The following MEP1B variants were observed in gnomAD, a reference collection of about 807,000 sequenced individuals.
MEP1B encodes the protein meprin A subunit beta.
Under a neutral mutation model 84.6 loss-of-function variants are expected in MEP1B, and 80 were observed. The observed-to-expected ratio is 0.95, with a 90% CI of 0.79 to 1.14. The LOEUF is 1.14. Ranked by LOEUF, MEP1B falls within the 50% of genes most tolerant of loss-of-function variation. The probability of loss-of-function intolerance (pLI) is 0.00; values close to 1 mark genes in which losing one functional copy is unlikely to be tolerated. For missense variants in MEP1B, 766 were observed against 855.1 expected (o/e 0.90, Z 1.30); for synonymous variants, 273 against 288.1 (o/e 0.95, Z 0.53).
At chr18:32,192,889 A>G in intron 4 of MEP1B, 72 bp downstream of exon 4, 1 of 1,183,356 alleles carries the variant, frequency 8.5e-7, no homozygotes, top group Non-Finnish European at 1.2e-6. Context: ...ACTGAGAAAG[A>G]TTAGACAGCA....
rs961679138 is a variant in MEP1B at position 32,192,736 on chromosome 18, T to C, written c.128-38T>C. On this transcript the variant is annotated intron_variant, in intron 3 of 14. Coordinates refer to ENST00000269202, the MANE Select transcript of MEP1B (RefSeq NM_005925.3). The stretch of plus-strand genomic sequence containing the variant: ...TAATCTCTTAAGTAGAGAGTTTGAA[T>C]CCAATTTGCTAACATGAATTTTTAT... The C allele has an allele frequency of 2.5e-6, 4 of 1,611,944 alleles. No individual in the cohort carries two copies. The African/African-American group carries it at 4.0e-5, about 16-fold the overall frequency.
rs771083618 is a variant in MEP1B, at chr18:32,217,799, G to C, written c.1925G>C (p.Arg642Thr). The stretch of plus-strand genomic sequence containing the variant: ...GAAGACTGGTGGTACATGGGAGAAA[G>C]GTGTGAAAAGAGAGGCTCCACCCGA... ...SGEDWWYMGE[R>T]CEKRGSTRDT... The change falls in exon 14 of 15, where the codon AGG (arginine) becomes ACG (threonine). Residue 642 changes from arginine to threonine, a missense_variant. Physicochemically the swap from Arg to Thr is moderately conservative, Grantham distance 71. Coordinates refer to ENST00000269202, the MANE Select transcript of MEP1B (RefSeq NM_005925.3). 5.0e-6 allele frequency: 8 copies of C among 1,613,544 alleles called. No individual in the cohort carries two copies. In the Middle Eastern group the frequency reaches 1.2e-3, roughly 232 times the overall value.
rs369029943 is a variant in MEP1B at position 32,202,932 on chromosome 18, G to A, written c.290G>A (p.Arg97His). 5.6e-6 allele frequency: 9 copies of A among 1,612,474 alleles called. No individual in the cohort carries two copies. Among genetic ancestry groups the A allele is most frequent in the Non-Finnish European group, 7.6e-6 (9 of 1,179,102 alleles). ...GGAGTTATCCTCAATGCATTTGAAC[G>A]TTATCGCCTTAAAACATGTATTGAC... Reference protein sequence around the residue: ...AKGVILNAFERYRLKTCIDFK... With the variant: ...AKGVILNAFEHYRLKTCIDFK... Residue 97 changes from arginine (R) to histidine (H), a missense_variant, in exon 6 of 15, where the codon CGT becomes CAT. Arg to His is a conservative substitution (Grantham distance 29). Coordinates refer to ENST00000269202, the MANE Select transcript of MEP1B (RefSeq NM_005925.3).
rs1038891767 is a variant in MEP1B at position 32,217,468 on chromosome 18, C to T, written c.1887-293C>T. Among the ~76,000 whole-genome samples, 5 of 152,072 alleles carry T rather than the reference C, an allele frequency of 3.3e-5. 1 individual carries two copies. The highest frequency in any genetic ancestry group is 4.1e-4 in the South Asian group (2 of 4,826). ...GCCAAGATGTGAATCTGGAGGGTGG[C>T]GGGCATGGGACACTGAGAACTAAAC... On this transcript the variant is annotated intron_variant, in intron 13 of 14. Transcript: ENST00000269202.
In MEP1B at chr18:32,190,048, T is replaced by C. The variant is rs2144367047; in HGVS notation, c.-23T>C. The C allele has an allele frequency of 6.2e-7, 1 of 1,602,722 alleles. No individual in the cohort carries two copies. The highest frequency in any genetic ancestry group is 1.1e-5 in the South Asian group (1 of 90,202). On this transcript the variant is annotated 5_prime_UTR_variant, in exon 1 of 15. Coordinates refer to ENST00000269202, the MANE Select transcript of MEP1B (RefSeq NM_005925.3). ...TTCAACCCTGAATGTCATAGTTAGCTACTTTCAACTGGAAGCTACAACATG... is the reference window on the plus strand; with the variant it reads ...TTCAACCCTGAATGTCATAGTTAGCCACTTTCAACTGGAAGCTACAACATG...
At chr18:32,218,577 G>A (rs9945189) in intron 14 of MEP1B, among the ~76,000 whole-genome samples, 4,491 of 152,254 alleles carry the variant, frequency 0.029, 202 homozygotes, top group African/African-American at 0.099. Context: ...ATATTTGTAC[G>A]CAGGAGGTTT....
At chr18:32,217,235 C>T (rs2041099878) in intron 13 of MEP1B, 118 bp downstream of exon 13, 1 of 1,196,360 alleles carries the variant, frequency 8.4e-7, no homozygotes, top group Non-Finnish European at 1.1e-6. Flanking sequence ...CATCTCACAG[C>T]CATTCATAGA....
intron 5 of MEP1B, among the ~76,000 whole-genome samples, 154 bp from the exon 6 acceptor site, chr18:32,202,739 T>C (rs2040924509): frequency 6.6e-6 from 1 of 152,230 alleles, no homozygotes; most frequent in Non-Finnish European, 1.5e-5. Flanking sequence ...ATTCAATGGG[T>C]ACTGAATTCT....
intron 5 of MEP1B, among the ~76,000 whole-genome samples, chr18:32,201,087 C>G (rs372349959): frequency 4.2e-4 from 64 of 152,186 alleles, no homozygotes; most frequent in African/African-American, 1.3e-3. Flanking sequence ...AAAGCTTTCA[C>G]GTGTTACTTT....
intron 5 of MEP1B, among the ~76,000 whole-genome samples, chr18:32,198,525 T>C (rs1313563364): frequency 5.3e-5 from 8 of 152,322 alleles, no homozygotes; most frequent in Middle Eastern, 3.4e-3. Context: ...AGGCACCATG[T>C]GGGCTAGTGT....
At chr18:32,199,989 A>G (rs1420110452) in intron 5 of MEP1B, among the ~76,000 whole-genome samples, 3 of 152,082 alleles carry the variant, frequency 2.0e-5, no homozygotes, top group African/African-American at 4.8e-5. Context: ...GTTCCATGAA[A>G]GATTAGGGAG....
chr18:32,192,688 A>C lies in MEP1B; in HGVS notation c.125A>C (p.Glu42Ala), dbSNP rs1257888550. 1 of 1,613,228 alleles carries C rather than the reference A, an allele frequency of 6.2e-7. No homozygotes were observed. The highest frequency in any genetic ancestry group is 8.5e-7 in the Non-Finnish European group (1 of 1,179,316). ...GMDQDIFDIN[E>A]GLGLDLFEGD... Reference sequence around the variant, plus strand: ...GACCAGGACATATTTGATATCAATGAAGGTTTGTGGATTTTTTTTACATAA... The same window carrying C: ...GACCAGGACATATTTGATATCAATGCAGGTTTGTGGATTTTTTTTACATAA... The change falls in exon 3 of 15, where the codon GAA becomes GCA. Residue 42 changes from glutamate (E) to alanine (A), a missense_variant and splice_region_variant. Coordinates refer to ENST00000269202, the MANE Select transcript of MEP1B (RefSeq NM_005925.3).
chr18:32,207,585 A>T, intron 8 of MEP1B, 115 bp downstream of exon 8: 2 of 703,816 alleles, frequency 2.8e-6, no homozygotes, highest in Non-Finnish European at 2.4e-6. Context: ...TAGAGATTTG[A>T]TATTCAGGAA....
intron 14 of MEP1B, among the ~76,000 whole-genome samples, chr18:32,218,733 C>T (rs990920548): frequency 5.9e-5 from 9 of 152,118 alleles, no homozygotes; most frequent in Admixed American, 3.3e-4. Flanking sequence ...CTCTTAGGCA[C>T]GTCCTGAATC....
chr18:32,210,468 T>G, intron 9 of MEP1B, 33 bp from the exon 10 acceptor site: 2 of 1,574,994 alleles, frequency 1.3e-6, no homozygotes, highest in Non-Finnish European at 1.7e-6. Flanking sequence ...ACCCAGTATC[T>G]GTTTTTCTCT....
At chr18:32,218,794 T>C (rs2041120822) in intron 14 of MEP1B, among the ~76,000 whole-genome samples, 1 of 151,680 alleles carries the variant, frequency 6.6e-6, no homozygotes, top group Non-Finnish European at 1.5e-5. Flanking sequence ...GGGGCTGCCC[T>C]CAAAGAGGGG....
chr18:32,208,592 G>T (rs1204254112), intron 9 of MEP1B, among the ~76,000 whole-genome samples: 1 of 152,162 alleles, frequency 6.6e-6, no homozygotes, highest in African/African-American at 2.4e-5. Context: ...TTTCCTAGAA[G>T]TTTGCAGAAT....
At chr18:32,206,679 T>G (rs1181276697) in intron 7 of MEP1B, among the ~76,000 whole-genome samples, 1 of 152,112 alleles carries the variant, frequency 6.6e-6, no homozygotes, top group Non-Finnish European at 1.5e-5. Context: ...TAGTGCAATC[T>G]TGGCTCACTG....
At chr18:32,206,700 C>T (rs1468406336) in intron 7 of MEP1B, among the ~76,000 whole-genome samples, 4 of 152,098 alleles carry the variant, frequency 2.6e-5, no homozygotes, top group Non-Finnish European at 4.4e-5. Flanking sequence ...CAACCTCCGC[C>T]TCCTGGGTTC....
Sources: allele counts gnomAD v4.1 joint callset (sites outside exome capture counted in the v4.1 genomes callset), GRCh38; gene constraint gnomAD v4.1.1; transcripts MANE v1.5; gene names NCBI Gene and HGNC (gene_info 2026-07-23, HGNC 2026-07-21).